The following CSRP2 variants were observed in gnomAD, a reference collection of about 807,000 sequenced individuals.
The protein encoded by CSRP2 is cysteine and glycine-rich protein 2.
CSRP2 carries 18 observed loss-of-function variants against 24.6 expected under a neutral mutation model. The ratio of observed to expected loss-of-function variants is 0.73; its 90% CI spans 0.51 to 1.09. CSRP2 has a LOEUF of 1.09. Among genes scored for constraint, CSRP2 ranks in the 50% least tolerant of loss-of-function variants. CSRP2 has a pLI of 0.00. For missense variants in CSRP2, 215 were observed against 239.4 expected (o/e 0.90, Z 0.67); for synonymous variants, 87 against 84.3 (o/e 1.03, Z -0.18).
At chr12:76,874,182 G>A (rs1423112255) in intron 1 of CSRP2, among the ~76,000 whole-genome samples, 3 of 152,208 alleles carry the variant, frequency 2.0e-5, no homozygotes, top group Non-Finnish European at 4.4e-5. Flanking sequence ...CACTGAGAGT[G>A]GATTCCTGGA....
intron 1 of CSRP2, among the ~76,000 whole-genome samples, chr12:76,876,970 G>A (rs949727191): frequency 1.3e-5 from 2 of 152,212 alleles, no homozygotes; most frequent in Non-Finnish European, 2.9e-5. Context: ...GAAGTATTGA[G>A]GCCAAAGAGT....
intron 1 of CSRP2, among the ~76,000 whole-genome samples, chr12:76,877,650 C>G (rs895388012): frequency 7.2e-5 from 11 of 152,200 alleles, no homozygotes; most frequent in African/African-American, 2.7e-4. Context: ...CAGAGAAATA[C>G]TGACAAAGTA....
intron 3 of CSRP2, chr12:76,861,372 T>A (rs1400850414): frequency 4.0e-5 from 6 of 148,686 alleles, no homozygotes; most frequent in African/African-American, 1.2e-4. Flanking sequence ...ATATATTTTT[T>A]TTTTTTTTTA....
chr12:76,877,158 G>C (rs931614547), intron 1 of CSRP2, among the ~76,000 whole-genome samples: 7 of 152,198 alleles, frequency 4.6e-5, no homozygotes, highest in Admixed American at 2.0e-4. Context: ...TAGAGACCCA[G>C]ATCACTATAG....
Position 76,859,058 on chromosome 12 carries a change from G to C in CSRP2, c.506-30C>G, listed in dbSNP as rs146925220. ...AAAGGAAAGGGAGGAAGGATAGTTA[G>C]TGCAAGTCCATTAAGCTTTGCTAGC... On this transcript the variant is annotated intron_variant, in intron 5 of 5. Coordinates refer to ENST00000311083, the MANE Select transcript of CSRP2 (RefSeq NM_001321.3). 7.9e-4 allele frequency: 1,266 copies of C among 1,597,338 alleles called. 9 individuals are homozygous for C. The highest frequency in any genetic ancestry group is 3.4e-4 in the Non-Finnish European group (395 of 1,164,722).
intron 1 of CSRP2, among the ~76,000 whole-genome samples, chr12:76,870,941 C>T (rs148152342): frequency 2.1e-4 from 27 of 128,934 alleles, no homozygotes; most frequent in Admixed American, 6.0e-4. Flanking sequence ...CCACTGCACT[C>T]CAGCCTGGGC....
intron 3 of CSRP2, chr12:76,862,770 C>A: frequency 1.5e-6 from 2 of 1,377,244 alleles, no homozygotes; most frequent in Non-Finnish European, 9.4e-7. Flanking sequence ...AAAATGTTTA[C>A]ATAGAAGGAG....
chr12:76,860,705 G>A, intron 3 of CSRP2: 1 of 242,272 alleles, frequency 4.1e-6, no homozygotes, highest in Non-Finnish European at 8.0e-6. Context: ...CCTCAGTGTT[G>A]GCCTCTCCAC....
chr12:76,869,578 A>ACACACACACACACACACACACACACAC (rs1420575005), intron 1 of CSRP2, among the ~76,000 whole-genome samples: 1 of 138,900 alleles, frequency 7.2e-6, no homozygotes, highest in Non-Finnish European at 1.6e-5. Context: ...ACACACACAC[A>ACACACACACACACACACACACACACAC]CCCCTGACTG....
chr12:76,862,697 TAAG>T (rs1565821504), intron 3 of CSRP2: 11 of 1,219,288 alleles, frequency 9.0e-6, no homozygotes, highest in South Asian at 6.9e-5. Flanking sequence ...GAATCAAAAA[TAAG>T]AAGTAATTTC....
chr12:76,859,248 C>G (rs975139501), intron 5 of CSRP2, among the ~76,000 whole-genome samples: 2 of 152,220 alleles, frequency 1.3e-5, no homozygotes, highest in African/African-American at 4.8e-5. Context: ...TGCTGAGTTG[C>G]AAGCATGAGT....
chr12:76,868,179 G>A (rs534820890), intron 1 of CSRP2, among the ~76,000 whole-genome samples: 1 of 152,226 alleles, frequency 6.6e-6, no homozygotes, highest in African/African-American at 2.4e-5. Context: ...AAACTTTTAT[G>A]CCACAAAAAC....
intron 1 of CSRP2, among the ~76,000 whole-genome samples, chr12:76,869,644 T>G (rs1953775840): frequency 6.6e-6 from 1 of 151,844 alleles, no homozygotes. Flanking sequence ...CCAACTTCTC[T>G]TAACCAGACA....
intron 1 of CSRP2, among the ~76,000 whole-genome samples, chr12:76,870,935 T>A (rs1379976482): frequency 1.6e-5 from 2 of 124,064 alleles, no homozygotes; most frequent in Non-Finnish European, 3.1e-5. Context: ...ATTGCACCAC[T>A]GCACTCCAGC....
chr12:76,859,231 G>A (rs774370813), intron 5 of CSRP2, among the ~76,000 whole-genome samples: 1 of 152,210 alleles, frequency 6.6e-6, no homozygotes, highest in Non-Finnish European at 1.5e-5. Context: ...AGTGTTCAGC[G>A]TGGTCCTGCT....
In CSRP2 at chr12:76,860,379, T is replaced by A; in HGVS notation, c.316A>T (p.Thr106Ser). The A allele has an allele frequency of 6.2e-7, 1 of 1,614,026 alleles. No homozygotes were observed. Among genetic ancestry groups the A allele is most frequent in the Non-Finnish European group, 8.5e-7 (1 of 1,179,964 alleles). ...QPHRPTTNPN[T>S]SKFAQKYGGA... ...CCATATTTCTGAGCAAATTTAGAAG[T>A]GTTTGGATTTGTTGTAGGCCTGTGA... Residue 106 changes from threonine (T) to serine (S), a missense_variant, in exon 4 of 6, where the codon ACT (threonine) becomes TCT (serine). Transcript: ENST00000311083.
chr12:76,867,908 C>T (rs535710672), intron 1 of CSRP2, among the ~76,000 whole-genome samples: 1 of 152,290 alleles, frequency 6.6e-6, no homozygotes, highest in African/African-American at 2.4e-5. Context: ...CAGAACCTGA[C>T]AATTTCCTGA....
chr12:76,870,578 A>G (rs2137833310), intron 1 of CSRP2, among the ~76,000 whole-genome samples: 1 of 152,292 alleles, frequency 6.6e-6, no homozygotes, highest in African/African-American at 2.4e-5. Flanking sequence ...GCATATATCA[A>G]AATATTGCAG....
At chr12:76,872,864 G>T (rs948823552) in intron 1 of CSRP2, among the ~76,000 whole-genome samples, 5 of 152,134 alleles carry the variant, frequency 3.3e-5, no homozygotes, top group African/African-American at 1.2e-4. Flanking sequence ...CACTCCACGT[G>T]TGTCCGTGTT....
Sources: allele counts gnomAD v4.1 joint callset (sites outside exome capture counted in the v4.1 genomes callset), GRCh38; gene constraint gnomAD v4.1.1; transcripts MANE v1.5; gene names NCBI Gene and HGNC (gene_info 2026-07-23, HGNC 2026-07-21).